ASAP2: variants seen among roughly 807,000 people sequenced by gnomAD.
ASAP2 encodes arf-GAP with SH3 domain, ANK repeat and PH domain-containing protein 2.
Under a neutral mutation model 131.4 loss-of-function variants are expected in ASAP2, and 45 were observed. The observed-to-expected ratio is 0.34, with a 90% confidence interval of 0.27 to 0.44. The LOEUF (loss-of-function observed/expected upper bound fraction) is 0.44, where lower values mean the gene tolerates loss of function less well. ASAP2 is among the 20% of genes least tolerant of loss of function. The probability of loss-of-function intolerance (pLI) is 1.00; values close to 1 mark genes in which losing one functional copy is unlikely to be tolerated. For missense variants in ASAP2, 1,011 were observed against 1,297.0 expected (o/e 0.78, Z 3.39); for synonymous variants, 510 against 503.0 (o/e 1.01, Z -0.19).
At chr2:9,319,032 G>A (rs952630354) in intron 4 of ASAP2, among the ~76,000 whole-genome samples, 2 of 152,170 alleles carry the variant, frequency 1.3e-5, no homozygotes, top group African/African-American at 4.8e-5. Context: ...TTGTCTCTCT[G>A]TCCTTCAGAG....
intron 1 of ASAP2, among the ~76,000 whole-genome samples, chr2:9,261,724 TCTGGCTGGA>T (rs1236510752): frequency 6.6e-6 from 1 of 152,200 alleles, no homozygotes; most frequent in Non-Finnish European, 1.5e-5. Flanking sequence ...CAGAGTTCCT[TCTGGCTGGA>T]CTGCCACATG....
In ASAP2 at chr2:9,356,273, C is replaced by A; in HGVS notation, c.1255C>A (p.Leu419Met). Residue 419 changes from leucine to methionine, a missense_variant, in exon 14 of 28, where the codon CTG (leucine) becomes ATG (methionine). Transcript: ENST00000281419. ...TGGAGAAAATAACATCGTCCAAGAACTGACAAAGGAGATCATCTCAGAAGT... is the reference window on the plus strand; with the variant it reads ...TGGAGAAAATAACATCGTCCAAGAAATGACAAAGGAGATCATCTCAGAAGT... ...NTGENNIVQE[L>M]TKEIISEVQR... 6.2e-7 allele frequency: 1 copy of A among 1,614,040 alleles called. No homozygotes were observed. The highest frequency in any genetic ancestry group is 8.5e-7 in the Non-Finnish European group (1 of 1,179,958).
In ASAP2 at chr2:9,232,299, G is replaced by A. The variant is rs556956098; in HGVS notation, c.126+25069G>A. ...TACACAGGTGGTCCCTCTGTTTGTA[G>A]AGTCGCCCTGCTCTTCGTATCTCCC... On this transcript the variant is annotated intron_variant, in intron 1 of 27. Transcript: ENST00000281419. The surrounding 1 kb of genome is among the most constrained non-coding windows in gnomAD (Gnocchi z 4.1). Among the ~76,000 whole-genome samples, 4 of 152,240 alleles carry A rather than the reference G, an allele frequency of 2.6e-5. No individual in the cohort carries two copies. The highest frequency in any genetic ancestry group is 2.6e-4 in the Admixed American group (4 of 15,298).
At chr2:9,386,976 G>A (rs892611536) in intron 21 of ASAP2, among the ~76,000 whole-genome samples, 125 of 152,044 alleles carry the variant, frequency 8.2e-4, no homozygotes, top group African/African-American at 2.8e-3. Flanking sequence ...AGGCTGAGGC[G>A]GGCGGATCAC....
chr2:9,308,718 CTG>C (rs1669107290), intron 3 of ASAP2, among the ~76,000 whole-genome samples: 1 of 152,146 alleles, frequency 6.6e-6, no homozygotes, highest in African/African-American at 2.4e-5. Flanking sequence ...TCTGGCTTCA[CTG>C]TTCTAGCCAA....
chr2:9,207,280 C>G lies in ASAP2; in HGVS notation c.126+50C>G. The G allele has an allele frequency of 3.4e-6, 5 of 1,470,792 alleles. No individual in the cohort carries two copies. Among genetic ancestry groups the G allele is most frequent in the Non-Finnish European group, 4.5e-6 (5 of 1,115,596 alleles). The allele number at this position is 1,470,792 out of a possible 1,614,324, so 91.1% of individuals were successfully genotyped here. ...CGGCCGCAGGTATCCCGCGCCCCAG[C>G]CCCGCCCGCCGCTCCCGCATCCGCA... On this transcript the variant is annotated intron_variant, in intron 1 of 27. Coordinates refer to ENST00000281419, the MANE Select transcript of ASAP2 (RefSeq NM_003887.3). The surrounding 1 kb of genome is among the most constrained non-coding windows in gnomAD (Gnocchi z 4.1).
At chr2:9,371,613 C>T (rs756817110) in intron 16 of ASAP2, among the ~76,000 whole-genome samples, 10 of 152,070 alleles carry the variant, frequency 6.6e-5, no homozygotes, top group South Asian at 2.1e-4. Context: ...AATCCCAAGA[C>T]GGATCTTGGG....
At chr2:9,312,763 G>A (rs920090562) in intron 3 of ASAP2, among the ~76,000 whole-genome samples, 6 of 152,144 alleles carry the variant, frequency 3.9e-5, no homozygotes, top group African/African-American at 9.7e-5. Context: ...TCACTAGCTT[G>A]TTTTTGTTTC....
chr2:9,343,584 C>T (rs1671746396), intron 9 of ASAP2, among the ~76,000 whole-genome samples: 1 of 152,180 alleles, frequency 6.6e-6, no homozygotes, highest in African/African-American at 2.4e-5. Flanking sequence ...ATACCTGGGA[C>T]TACCAGCGCC....
rs762125391 is a variant in ASAP2 at position 9,377,020 on chromosome 2, A to G, written c.1832+27A>G. 2.5e-6 allele frequency: 4 copies of G among 1,584,942 alleles called. No individual in the cohort carries two copies. In the South Asian group the frequency reaches 3.3e-5, roughly 13 times the overall value. On this transcript the variant is annotated intron_variant, in intron 18 of 27. Coordinates refer to ENST00000281419, the MANE Select transcript of ASAP2 (RefSeq NM_003887.3). The stretch of plus-strand genomic sequence containing the variant: ...TAGGTGTTCTGAAATTAAGGGAGGC[A>G]CTCGTTTTCTCCTTGGTATTTCTGG...
At chr2:9,397,977 C>T (rs1190153017) in intron 24 of ASAP2, among the ~76,000 whole-genome samples, 1 of 150,962 alleles carries the variant, frequency 6.6e-6, no homozygotes, top group Non-Finnish European at 1.5e-5. Flanking sequence ...CCAAGATGGT[C>T]TCGATCTCCT....
chr2:9,292,417 C>T (rs1667874001), intron 2 of ASAP2, among the ~76,000 whole-genome samples: 1 of 152,132 alleles, frequency 6.6e-6, no homozygotes, highest in Admixed American at 6.5e-5. Flanking sequence ...ACTCGGGAGG[C>T]TGAGGCAGGA....
At chr2:9,306,472 C>G (rs529491063) in intron 3 of ASAP2, among the ~76,000 whole-genome samples, 174 of 151,930 alleles carry the variant, frequency 1.1e-3, no homozygotes, top group Admixed American at 1.4e-3. Context: ...CAGGTGTTCA[C>G]TGTTCTAAGA....
At chr2:9,213,702 C>T (rs1661776209) in intron 1 of ASAP2, among the ~76,000 whole-genome samples, 2 of 152,102 alleles carry the variant, frequency 1.3e-5, no homozygotes, top group Non-Finnish European at 2.9e-5. Context: ...TTATTGTGTG[C>T]TAGTGGCATA....
intron 1 of ASAP2, among the ~76,000 whole-genome samples, chr2:9,221,935 A>G (rs987582265): frequency 5.3e-5 from 8 of 151,056 alleles, no homozygotes; most frequent in South Asian, 2.1e-4. Context: ...CTGGGACTAC[A>G]GGTGCCCGCC....
intron 2 of ASAP2, among the ~76,000 whole-genome samples, chr2:9,293,131 C>G (rs956182136): frequency 1.3e-5 from 2 of 152,208 alleles, no homozygotes; most frequent in Non-Finnish European, 2.9e-5. Flanking sequence ...AAAAAGCACA[C>G]AACAAAACCT....
chr2:9,242,918 C>T (rs1009645759), intron 1 of ASAP2, among the ~76,000 whole-genome samples: 2 of 152,050 alleles, frequency 1.3e-5, no homozygotes, highest in Non-Finnish European at 2.9e-5. Context: ...AACTGAGGCC[C>T]AGTAACAACA....
At chr2:9,390,930 C>T in intron 22 of ASAP2, 132 bp from the exon 23 acceptor site, 1 of 1,357,982 alleles carries the variant, frequency 7.4e-7, no homozygotes, top group African/African-American at 1.4e-5. Context: ...ATTGAGGGTT[C>T]TAGGTAGAAG....
chr2:9,307,593 G>A (rs1268849862), intron 3 of ASAP2, among the ~76,000 whole-genome samples: 1 of 152,180 alleles, frequency 6.6e-6, no homozygotes, highest in Non-Finnish European at 1.5e-5. Flanking sequence ...GTGGCTGACT[G>A]ACATGTCCAA....
Sources: gnomAD v4.1 joint callset for allele counts (sites outside exome capture counted in the v4.1 genomes callset) on GRCh38, gnomAD v4.1.1 for gene constraint, Gnocchi (gnomAD v3.1) non-coding constraint, MANE v1.5 for transcripts, NCBI Gene and HGNC (gene_info 2026-07-23, HGNC 2026-07-21) for gene names.